Variants in NCALD observed in about 807,000 individuals in gnomAD.
NCALD encodes the protein neurocalcin delta.
In NCALD, 10 loss-of-function variants were observed where a neutral mutation model predicts 18.6. The ratio of observed to expected loss-of-function variants is 0.54; its 90% CI spans 0.33 to 0.91. NCALD has a LOEUF of 0.91. Among genes scored for constraint, NCALD ranks in the 40% least tolerant of loss-of-function variants. The pLI, the probability that NCALD is intolerant of heterozygous loss-of-function variation, is 0.03. For synonymous variants in NCALD, 88 were observed against 87.4 expected (o/e 1.01, Z -0.04); for missense variants, 184 against 247.6 (o/e 0.74, Z 1.72).
chr8:101,896,780 G>A (rs1817196156), intron 3 of NCALD, among the ~76,000 whole-genome samples: 1 of 121,386 alleles, frequency 8.2e-6, no homozygotes, highest in Admixed American at 8.3e-5. Context: ...CATCATCACT[G>A]GCCATCAGAG....
At chr8:101,708,952 A>G (rs529829392) in intron 2 of NCALD, among the ~76,000 whole-genome samples, 2 of 152,308 alleles carry the variant, frequency 1.3e-5, no homozygotes, top group South Asian at 4.1e-4. Context: ...GGAAATATCA[A>G]TCTGCTTTGT....
At chr8:101,898,013 G>A (rs914912249) in intron 3 of NCALD, among the ~76,000 whole-genome samples, 2 of 151,402 alleles carry the variant, frequency 1.3e-5, no homozygotes, top group African/African-American at 4.9e-5. Flanking sequence ...CCCCTTTGCT[G>A]AGCACATATT....
intron 1 of NCALD, among the ~76,000 whole-genome samples, chr8:102,025,975 G>T (rs973342436): frequency 6.6e-6 from 1 of 152,158 alleles, no homozygotes; most frequent in African/African-American, 2.4e-5. Flanking sequence ...TCACACAGCA[G>T]CAGGAAGGAG....
intron 4 of NCALD, among the ~76,000 whole-genome samples, chr8:101,855,381 A>G (rs1416349292): frequency 2.6e-5 from 4 of 152,184 alleles, no homozygotes; most frequent in Admixed American, 1.3e-4. Flanking sequence ...GTGAATCATC[A>G]TAAGATGAGA....
chr8:101,831,681 G>A (rs933766835), intron 4 of NCALD, among the ~76,000 whole-genome samples: 1 of 152,034 alleles, frequency 6.6e-6, no homozygotes, highest in African/African-American at 2.4e-5. Flanking sequence ...CACCTGCTCA[G>A]GGCCCCTTTC....
At chr8:102,073,635 C>T (rs1002155323) in intron 1 of NCALD, among the ~76,000 whole-genome samples, 2 of 151,872 alleles carry the variant, frequency 1.3e-5, no homozygotes, top group African/African-American at 4.8e-5. Flanking sequence ...GCATACAAAG[C>T]AGTCCACAGG....
intron 2 of NCALD, among the ~76,000 whole-genome samples, chr8:101,922,195 G>GAAA (rs375285053): frequency 6.9e-6 from 1 of 145,072 alleles, no homozygotes; most frequent in Non-Finnish European, 1.5e-5. Context: ...GATGCTTCAT[G>GAAA]AAAAAAAAAA....
intron 1 of NCALD, among the ~76,000 whole-genome samples, chr8:102,085,708 C>T (rs548491504): frequency 9.3e-5 from 14 of 151,118 alleles, no homozygotes; most frequent in Admixed American, 4.6e-4. Flanking sequence ...GCTGAGATTG[C>T]GCCACTGTGC....
At chr8:102,058,190 C>A (rs1331657452) in intron 1 of NCALD, among the ~76,000 whole-genome samples, 1 of 152,174 alleles carries the variant, frequency 6.6e-6, no homozygotes. Flanking sequence ...CAAGATTTAC[C>A]ATTATTTTAC....
intron 2 of NCALD, among the ~76,000 whole-genome samples, chr8:101,715,425 A>ACTTCATGACTAAAACAC (rs1816028538): frequency 6.6e-6 from 1 of 152,170 alleles, no homozygotes; most frequent in South Asian, 2.1e-4. Flanking sequence ...ATGGGCAAAG[A>ACTTCATGACTAAAACAC]CTTCATGACT....
At chr8:101,770,083 A>G (rs1811520817) in intron 1 of NCALD, among the ~76,000 whole-genome samples, 1 of 152,208 alleles carries the variant, frequency 6.6e-6, no homozygotes, top group Admixed American at 6.5e-5. Context: ...CATCATTATT[A>G]TTTGAATAAG....
At chr8:101,979,954 G>C (rs1480150746) in intron 2 of NCALD, among the ~76,000 whole-genome samples, 3 of 152,156 alleles carry the variant, frequency 2.0e-5, no homozygotes, top group Admixed American at 2.0e-4. Flanking sequence ...GGCCTGAGGG[G>C]CCTCATGAGC....
intron 3 of NCALD, chr8:101,691,667 A>T (rs1043631241): frequency 2.0e-6 from 2 of 985,278 alleles, no homozygotes; most frequent in African/African-American, 3.5e-5. Context: ...GGGACATAGG[A>T]TGTTTCCAAA....
chr8:102,100,807 G>A (rs557824365), intron 1 of NCALD, among the ~76,000 whole-genome samples: 2 of 152,288 alleles, frequency 1.3e-5, no homozygotes, highest in Admixed American at 6.5e-5. Context: ...GTCATAGAAG[G>A]ACAAATATTG....
At chr8:101,733,267 A>C (rs1252859212) in intron 1 of NCALD, among the ~76,000 whole-genome samples, 2 of 152,246 alleles carry the variant, frequency 1.3e-5, no homozygotes, top group African/African-American at 4.8e-5. Flanking sequence ...GAAAGAGAAT[A>C]TGCAATAATT....
At chr8:101,756,147 G>A (rs1279910506) in intron 1 of NCALD, among the ~76,000 whole-genome samples, 3 of 151,788 alleles carry the variant, frequency 2.0e-5, no homozygotes, top group East Asian at 1.9e-4. Context: ...TCATTGATGA[G>A]TATAAATGTA....
chr8:101,893,166 C>A (rs1375747044), intron 3 of NCALD, among the ~76,000 whole-genome samples: 3 of 152,006 alleles, frequency 2.0e-5, no homozygotes, highest in Admixed American at 2.0e-4. Context: ...GCGGATCTCT[C>A]AGCAGAAACC....
At chr8:101,967,528 A>G (rs7840045) in intron 2 of NCALD, among the ~76,000 whole-genome samples, 65,314 of 151,898 alleles carry the variant, frequency 0.43, 14,440 homozygotes, top group African/African-American at 0.5. Context: ...TGCAGAGGAG[A>G]AGGTAGAAAG....
intron 3 of NCALD, among the ~76,000 whole-genome samples, chr8:101,895,412 G>GA (rs1285129453): frequency 2.7e-5 from 4 of 150,512 alleles, no homozygotes; most frequent in African/African-American, 7.5e-5. Flanking sequence ...ATATCATACT[G>GA]AATGGGCAAA....
Sources: gnomAD v4.1 joint callset for allele counts (sites outside exome capture counted in the v4.1 genomes callset) on GRCh38, gnomAD v4.1.1 for gene constraint, MANE v1.5 for transcripts, NCBI Gene and HGNC (gene_info 2026-07-23, HGNC 2026-07-21) for gene names.